The following AVL9 variants were observed in gnomAD, a reference collection of about 807,000 sequenced individuals.
AVL9 encodes late secretory pathway protein AVL9 homolog.
Under a neutral mutation model 79.2 loss-of-function variants are expected in AVL9, and 49 were observed. The observed-to-expected ratio is 0.62, with a 90% CI of 0.49 to 0.79. The LOEUF (loss-of-function observed/expected upper bound fraction) is 0.79. Ranked by LOEUF, AVL9 falls within the 30% of genes least tolerant of loss-of-function variation. AVL9 has a pLI of 0.00. For missense variants in AVL9, 682 were observed against 776.8 expected, an observed-to-expected ratio of 0.88 and a Z score of 1.45; for synonymous variants, 299 against 280.6, an observed-to-expected ratio of 1.07 and a Z score of -0.65.
intron 1 of AVL9, among the ~76,000 whole-genome samples, chr7:32,518,813 T>C (rs550517280): frequency 6.6e-6 from 1 of 152,308 alleles, no homozygotes; most frequent in South Asian, 2.1e-4. Context: ...ATAATGAAAT[T>C]ATAATAGTTT....
chr7:32,574,338 T>G (rs561794542), intron 12 of AVL9, among the ~76,000 whole-genome samples: 1 of 152,276 alleles, frequency 6.6e-6, no homozygotes, highest in African/African-American at 2.4e-5. Flanking sequence ...AAAAGACAGC[T>G]GAGGAACAAG....
At chr7:32,512,932 A>G (rs1291002453) in intron 1 of AVL9, among the ~76,000 whole-genome samples, 1 of 116,794 alleles carries the variant, frequency 8.6e-6, no homozygotes, top group Non-Finnish European at 2.0e-5. Flanking sequence ...GTTTCATACT[A>G]ACTTCCCCTG....
At chr7:32,543,581 C>G (rs961287375) in intron 2 of AVL9, among the ~76,000 whole-genome samples, 1 of 152,206 alleles carries the variant, frequency 6.6e-6, no homozygotes, top group South Asian at 2.1e-4. Context: ...TTACCAGCAC[C>G]AGCTGTACAT....
chr7:32,544,837 TAAACA>T, intron 3 of AVL9, 58 bp downstream of exon 3: 1 of 1,249,830 alleles, frequency 8.0e-7, no homozygotes. Flanking sequence ...GTTGGACACT[TAAACA>T]CAGTCTTTAT....
rs375015712 is a variant in AVL9, at chr7:32,574,486, CTTAATTAATTTGCTTTTAAGCAAA to C, written c.1570+1086_1570+1109del. 5.3e-3 allele frequency among the ~76,000 whole-genome samples: 814 copies of C among 152,224 alleles called. 6 individuals carry two copies. Among genetic ancestry groups the C allele is most frequent in the Admixed American group, 6.6e-3 (101 of 15,288 alleles). The stretch of plus-strand genomic sequence containing the variant: ...AACTTCAGTCTCCACTGCCATGTAG[CTTAATTAATTTGCTTTTAAGCAAA>C]TTAATTAATTTGCTTTTTTAAAAAT... On this transcript the variant is annotated intron_variant, in intron 12 of 15. Coordinates refer to ENST00000318709, the MANE Select transcript of AVL9 (RefSeq NM_015060.3).
rs188044006 is a variant in AVL9 at position 32,566,788 on chromosome 7, C to T, written c.1216-3232C>T. Among the ~76,000 whole-genome samples, 855 of 152,124 alleles carry T rather than the reference C, an allele frequency of 5.6e-3. 4 individuals are homozygous for T. The highest frequency in any genetic ancestry group is 0.019 in the African/African-American group (790 of 41,528). Reference sequence around the variant, plus strand: ...GTCTCAGCTACTCCGGAGGCTGAGGCAGGAGAGTGGCATGAACCCGGGAGG... The same window carrying T: ...GTCTCAGCTACTCCGGAGGCTGAGGTAGGAGAGTGGCATGAACCCGGGAGG... On this transcript the variant is annotated intron_variant, in intron 10 of 15. Coordinates refer to ENST00000318709, the MANE Select transcript of AVL9 (RefSeq NM_015060.3).
rs376542124 is a variant in AVL9 at position 32,523,894 on chromosome 7, C to T, written c.94-19247C>T. Among the ~76,000 whole-genome samples, 18 of 151,664 alleles carry T rather than the reference C, an allele frequency of 1.2e-4. No individual in the cohort carries two copies. In the East Asian group the frequency reaches 1.8e-3, roughly 15 times the overall value. ...GATTACAGGTGCCCACCACCACGCC[C>T]GGCTAATTTTTTGTATTTTTAGTAG... On this transcript the variant is annotated intron_variant, in intron 1 of 15. Coordinates refer to ENST00000318709, the MANE Select transcript of AVL9 (RefSeq NM_015060.3).
chr7:32,503,216 T>G (rs573499843), intron 1 of AVL9, among the ~76,000 whole-genome samples: 1 of 151,512 alleles, frequency 6.6e-6, no homozygotes, highest in East Asian at 1.9e-4. Flanking sequence ...GGCTCACAAC[T>G]GTAAATCCCA....
At chr7:32,538,267 A>G (rs1312648801) in intron 1 of AVL9, 7 of 152,244 alleles carry the variant, frequency 4.6e-5, no homozygotes, top group Non-Finnish European at 1.5e-5. Flanking sequence ...CTCCAAGATT[A>G]TAGGATGGAA....
intron 1 of AVL9, among the ~76,000 whole-genome samples, chr7:32,540,614 G>T (rs1789135650): frequency 6.6e-6 from 1 of 152,028 alleles, no homozygotes; most frequent in Non-Finnish European, 1.5e-5. Flanking sequence ...CTTTTGGTTT[G>T]CTTAAGTATA....
At chr7:32,511,567 A>G (rs1787674826) in intron 1 of AVL9, among the ~76,000 whole-genome samples, 1 of 151,974 alleles carries the variant, frequency 6.6e-6, no homozygotes. Flanking sequence ...GCGAGGGGGA[A>G]AGATAGGAGG....
At chr7:32,527,025 T>C (rs1788430000) in intron 1 of AVL9, among the ~76,000 whole-genome samples, 1 of 151,858 alleles carries the variant, frequency 6.6e-6, no homozygotes, top group Non-Finnish European at 1.5e-5. Flanking sequence ...GCAAGCACCC[T>C]CCCTCTAGGG....
At chr7:32,513,312 T>C (rs1787761157) in intron 1 of AVL9, among the ~76,000 whole-genome samples, 1 of 152,160 alleles carries the variant, frequency 6.6e-6, no homozygotes, top group African/African-American at 2.4e-5. Context: ...TGAAGCCAGG[T>C]GGGGGTTGAA....
intron 12 of AVL9, among the ~76,000 whole-genome samples, 184 bp downstream of exon 12, chr7:32,573,602 C>T (rs1426806827): frequency 6.6e-6 from 1 of 152,136 alleles, no homozygotes; most frequent in Non-Finnish European, 1.5e-5. Context: ...AAATCTTTTC[C>T]TATGCATGTA....
In AVL9 at chr7:32,580,202, T is replaced by A; in HGVS notation, c.1689-17T>A. 1 of 1,606,674 alleles carries A rather than the reference T, an allele frequency of 6.2e-7. No homozygotes were observed. Among genetic ancestry groups the A allele is most frequent in the Non-Finnish European group, 8.5e-7 (1 of 1,176,096 alleles). ...TTGGTAAAATACTGATAGTTTAAAC[T>A]CAAACTTTTTTTACAGCCATCCATT... On this transcript the variant is annotated splice_polypyrimidine_tract_variant and intron_variant, in intron 13 of 15. Coordinates refer to ENST00000318709, the MANE Select transcript of AVL9 (RefSeq NM_015060.3).
chr7:32,529,644 C>G (rs1788558300), intron 1 of AVL9, among the ~76,000 whole-genome samples: 1 of 152,180 alleles, frequency 6.6e-6, no homozygotes, highest in African/African-American at 2.4e-5. Flanking sequence ...GAACTCAATG[C>G]TTATTCAGTT....
intron 1 of AVL9, among the ~76,000 whole-genome samples, chr7:32,541,274 A>G (rs1789194635): frequency 6.6e-6 from 1 of 152,062 alleles, no homozygotes. Context: ...ATGATGCATC[A>G]TGAGAATTGG....
rs1562742686 is a variant in AVL9, at chr7:32,495,644, G to A, written c.-66G>A. On this transcript the variant is annotated 5_prime_UTR_variant, in exon 1 of 16. Transcript: ENST00000318709. ...CCGAAGTCCGCGGCTTTCCGCACAC[G>A]GTGGGGTCGTCAGACCCGCTGCCCT... The A allele has an allele frequency of 3.6e-6, 4 of 1,105,704 alleles. No homozygotes were observed. The highest frequency in any genetic ancestry group is 3.5e-6 in the Non-Finnish European group (3 of 857,310). The allele number at this position is 1,105,704 out of a possible 1,614,324, so 68.5% of individuals were successfully genotyped here.
intron 11 of AVL9, among the ~76,000 whole-genome samples, chr7:32,571,548 A>C (rs547207711): frequency 2.0e-5 from 3 of 152,124 alleles, no homozygotes; most frequent in Non-Finnish European, 4.4e-5. Context: ...GAAGAAAAAA[A>C]ATTCACCCAC....
Sources: gnomAD v4.1 joint callset for allele counts (sites outside exome capture counted in the v4.1 genomes callset) on GRCh38, gnomAD v4.1.1 for gene constraint, MANE v1.5 for transcripts, NCBI Gene and HGNC (gene_info 2026-07-23, HGNC 2026-07-21) for gene names.